Variants in KCNH5 observed in about 807,000 individuals in gnomAD.
The protein encoded by KCNH5 is potassium voltage-gated channel subfamily H member 5, also known as voltage-gated delayed rectifier potassium channel KCNH5.
A neutral mutation model predicts 96.1 loss-of-function variants in KCNH5; 46 were observed. The observed-to-expected ratio is 0.48, with a 90% CI of 0.38 to 0.61. KCNH5 has a LOEUF of 0.61. Among genes scored for constraint, KCNH5 ranks in the 20% least tolerant of loss-of-function variants. The pLI, the probability that KCNH5 is intolerant of heterozygous loss-of-function variation, is 0.00. For synonymous variants in KCNH5, 439 were observed against 449.8 expected, an observed-to-expected ratio of 0.98 and a Z score of 0.30; for missense variants, 907 against 1,225.8, an observed-to-expected ratio of 0.74 and a Z score of 3.88.
chr14:62,779,585 AAAGAG>A (rs2139975228), intron 10 of KCNH5, 138 bp downstream of exon 10: 1 of 601,202 alleles, frequency 1.7e-6, no homozygotes, highest in East Asian at 3.0e-5. Flanking sequence ...AAATATAAAT[AAAGAG>A]AAGGAAAATT....
intron 10 of KCNH5, among the ~76,000 whole-genome samples, chr14:62,733,418 G>A (rs1461361101): frequency 6.6e-6 from 1 of 152,000 alleles, no homozygotes; most frequent in Non-Finnish European, 1.5e-5. Context: ...CAGGAAACAG[G>A]CTCTCACTAG....
chr14:63,004,097 G>T (rs1016293974), intron 3 of KCNH5, among the ~76,000 whole-genome samples: 2 of 152,116 alleles, frequency 1.3e-5, no homozygotes, highest in African/African-American at 4.8e-5. Context: ...TAACTTAATT[G>T]CTTAAAGGAC....
intron 7 of KCNH5, among the ~76,000 whole-genome samples, chr14:62,941,410 C>G (rs563706983): frequency 6.6e-6 from 1 of 152,126 alleles, no homozygotes; most frequent in African/African-American, 2.4e-5. Flanking sequence ...CTTTTTCTAA[C>G]TACTGGACTA....
intron 7 of KCNH5, among the ~76,000 whole-genome samples, chr14:62,887,582 A>G (rs1398119939): frequency 1.3e-5 from 2 of 152,116 alleles, no homozygotes; most frequent in African/African-American, 4.8e-5. Context: ...GTATTATACA[A>G]GATTTAAGAC....
chr14:63,003,612 A>ATTTATATT (rs1394629647), intron 3 of KCNH5, among the ~76,000 whole-genome samples: 7 of 121,280 alleles, frequency 5.8e-5, no homozygotes, highest in East Asian at 2.3e-4. Flanking sequence ...TTATATTTAT[A>ATTTATATT]TATATATATA....
chr14:62,714,624 A>T (rs1884644635), intron 10 of KCNH5, among the ~76,000 whole-genome samples: 4 of 152,204 alleles, frequency 2.6e-5, no homozygotes, highest in African/African-American at 9.6e-5. Flanking sequence ...TTCTCTAGAA[A>T]ACAAGCATTT....
intron 8 of KCNH5, among the ~76,000 whole-genome samples, chr14:62,824,813 C>T (rs563547013): frequency 5.3e-5 from 8 of 152,092 alleles, no homozygotes; most frequent in African/African-American, 1.9e-4. Context: ...TTGTTGCCAT[C>T]TTTACGTCCA....
chr14:62,893,113 T>C (rs1389160817), intron 7 of KCNH5, among the ~76,000 whole-genome samples: 1 of 152,196 alleles, frequency 6.6e-6, no homozygotes, highest in African/African-American at 2.4e-5. Context: ...ATTGAAAACC[T>C]TCTAGAAAGA....
intron 10 of KCNH5, among the ~76,000 whole-genome samples, chr14:62,727,493 G>A (rs754936383): frequency 6.6e-6 from 1 of 152,152 alleles, no homozygotes; most frequent in African/African-American, 2.4e-5. Flanking sequence ...GTACATGTAT[G>A]TGTTCAGTTT....
At chr14:62,834,547 C>G (rs1449709558) in intron 8 of KCNH5, among the ~76,000 whole-genome samples, 1 of 151,856 alleles carries the variant, frequency 6.6e-6, no homozygotes, top group East Asian at 1.9e-4. Flanking sequence ...AAAACCAAGG[C>G]AGGCAAGGTA....
At chr14:62,838,996 AC>A (rs1198493140) in intron 8 of KCNH5, among the ~76,000 whole-genome samples, 1 of 149,374 alleles carries the variant, frequency 6.7e-6, no homozygotes, top group African/African-American at 2.4e-5. Context: ...AATAATAAAA[AC>A]AAAAAAATGT....
At chr14:62,976,780 AAG>A (rs1890508125) in intron 6 of KCNH5, among the ~76,000 whole-genome samples, 1 of 152,204 alleles carries the variant, frequency 6.6e-6, no homozygotes, top group African/African-American at 2.4e-5. Flanking sequence ...CAAAATTCTG[AAG>A]GAAAATTATC....
intron 10 of KCNH5, among the ~76,000 whole-genome samples, chr14:62,766,404 T>C (rs539037560): frequency 1.3e-5 from 2 of 152,256 alleles, no homozygotes; most frequent in African/African-American, 4.8e-5. Flanking sequence ...CTGTTTACAA[T>C]AGCTAAGAAT....
chr14:62,708,231 G>A lies in KCNH5; in HGVS notation c.2244C>T (p.Thr748=), dbSNP rs140878753. 1.1e-5 allele frequency: 17 copies of A among 1,614,210 alleles called. No individual in the cohort carries two copies. In the Middle Eastern group the frequency reaches 4.9e-4, roughly 47 times the overall value. ...GTGACACAGTCACCACGCTGGTTCC[G>A]GTGATGGAGGCTCCATTCTGTAAGG... ...SRSLQNGASI[T]GTSVVTVSQI... Residue 748 remains threonine, a synonymous_variant, in exon 11 of 11, where the codon ACC becomes ACT. Transcript: ENST00000322893.
intron 1 of KCNH5, among the ~76,000 whole-genome samples, chr14:63,041,969 G>A (rs1451860202): frequency 6.6e-6 from 1 of 152,076 alleles, no homozygotes; most frequent in Non-Finnish European, 1.5e-5. Context: ...ATTCAAATAT[G>A]CCACACTTCT....
Position 63,001,391 on chromosome 14 carries a change from G to A in KCNH5, c.373C>T (p.Leu125=). 1 of 1,612,588 alleles carries A rather than the reference G, an allele frequency of 6.2e-7. No homozygotes were observed. Among genetic ancestry groups the A allele is most frequent in the Non-Finnish European group, 8.5e-7 (1 of 1,179,178 alleles). Residue 125 remains leucine (L), a synonymous_variant, in exon 4 of 11, where the codon CTG becomes TTG. Transcript: ENST00000322893. ...RNEHEKVVLF[L]CTFKDITLFK... Reference sequence around the variant, plus strand: ...AACGTAATATCCTTGAAAGTACACAGGAACAAGACCACCTTTTCATGTTCA... The same window carrying A: ...AACGTAATATCCTTGAAAGTACACAAGAACAAGACCACCTTTTCATGTTCA...
At chr14:62,954,122 A>G (rs1443051670) in intron 6 of KCNH5, among the ~76,000 whole-genome samples, 2 of 152,132 alleles carry the variant, frequency 1.3e-5, no homozygotes, top group Admixed American at 6.5e-5. Flanking sequence ...GTTTCATGCT[A>G]CGTTACAAGT....
chr14:62,842,615 G>T (rs41419249), intron 8 of KCNH5, among the ~76,000 whole-genome samples: 15,250 of 152,130 alleles, frequency 0.1, 1,060 homozygotes, highest in East Asian at 0.29. Context: ...TTTCTTAATA[G>T]CGTCTCTTGC....
chr14:62,881,259 G>A (rs1888485767), intron 7 of KCNH5, among the ~76,000 whole-genome samples: 1 of 151,508 alleles, frequency 6.6e-6, no homozygotes, highest in Admixed American at 6.6e-5. Flanking sequence ...GAAACTATAT[G>A]CACATCACTT....
Sources: allele counts gnomAD v4.1 joint callset (sites outside exome capture counted in the v4.1 genomes callset), GRCh38; gene constraint gnomAD v4.1.1; transcripts MANE v1.5; gene names NCBI Gene and HGNC (gene_info 2026-07-23, HGNC 2026-07-21).